Variants in DMRT1 observed in about 807,000 individuals in gnomAD.
DMRT1 encodes the protein doublesex and mab-3 related transcription factor 1, also known as doublesex- and mab-3-related transcription factor 1.
Under a neutral mutation model 32.3 loss-of-function variants are expected in DMRT1, and 7 were observed. The observed-to-expected ratio is 0.22, with a 90% CI of 0.12 to 0.41. The LOEUF (loss-of-function observed/expected upper bound fraction) is 0.41, where lower values mean the gene tolerates loss of function less well. Among genes scored for constraint, DMRT1 ranks in the 10% least tolerant of loss-of-function variants. DMRT1 has a pLI of 1.00. For synonymous variants in DMRT1, 278 were observed against 206.1 expected (o/e 1.35, Z -2.99); for missense variants, 625 against 500.5 (o/e 1.25, Z -2.37).
In DMRT1 at chr9:894,072, G is replaced by C; in HGVS notation, c.699G>C (p.Met233Ile). ...TATACAACTGCCCGCAGTACTCCAT[G>C]GCCTTGGCTGCTGATTCTGCTTCTG... ...NNLYNCPQYSMALAADSASGE... is the reference protein window; with the variant it reads ...NNLYNCPQYSIALAADSASGE... Residue 233 changes from methionine (M) to isoleucine (I), a missense_variant, in exon 3 of 5, where the codon ATG (methionine) becomes ATC (isoleucine). By Grantham distance (10) the Met-to-Ile change is conservative (BLOSUM62 1). Transcript: ENST00000382276. 1 of 1,614,240 alleles carries C rather than the reference G, an allele frequency of 6.2e-7. No homozygotes were observed. The highest frequency in any genetic ancestry group is 8.5e-7 in the Non-Finnish European group (1 of 1,180,056).
At chr9:912,347 T>C (rs1020955272) in intron 3 of DMRT1, among the ~76,000 whole-genome samples, 2 of 152,258 alleles carry the variant, frequency 1.3e-5, no homozygotes, top group African/African-American at 4.8e-5. Context: ...GTTCACATTC[T>C]AGTAACCTCA....
chr9:892,072 T>C (rs188234290), intron 2 of DMRT1, among the ~76,000 whole-genome samples: 31 of 152,244 alleles, frequency 2.0e-4, no homozygotes, highest in Middle Eastern at 3.4e-3. Context: ...CCTTGCTCTC[T>C]TGCAGGCCTG....
rs547692584 is a variant in DMRT1 at position 850,165 on chromosome 9, C to T, written c.538+3022C>T. 5.3e-5 allele frequency among the ~76,000 whole-genome samples: 8 copies of T among 152,296 alleles called. No homozygotes were observed. In the South Asian group the frequency reaches 1.2e-3, roughly 24 times the overall value. ...CAGCTCATCTCTGTGGGGCAGGAGC[C>T]ACAGGTTGCTGTCATTCATGGGATT... On this transcript the variant is annotated intron_variant, in intron 2 of 4. Coordinates refer to ENST00000382276, the MANE Select transcript of DMRT1 (RefSeq NM_021951.3).
At chr9:932,244 T>G (rs1818748991) in intron 4 of DMRT1, among the ~76,000 whole-genome samples, 2 of 152,226 alleles carry the variant, frequency 1.3e-5, no homozygotes, top group African/African-American at 4.8e-5. Flanking sequence ...TAACAAATGC[T>G]CTGCATAACC....
chr9:903,887 AT>A (rs1175954621), intron 3 of DMRT1, among the ~76,000 whole-genome samples: 1 of 152,166 alleles, frequency 6.6e-6, no homozygotes, highest in Non-Finnish European at 1.5e-5. Flanking sequence ...AGGAAGCCAG[AT>A]AGAGTGAAAC....
rs548265171 is a variant in DMRT1, at chr9:874,976, T to G, written c.539-18936T>G. On this transcript the variant is annotated intron_variant, in intron 2 of 4. Transcript: ENST00000382276. ...GTGCCCGCCACCACGCCCGGCAAATTTTTTGTATTTTTTTTAGTAGAGACG... is the reference window on the plus strand; with the variant it reads ...GTGCCCGCCACCACGCCCGGCAAATGTTTTGTATTTTTTTTAGTAGAGACG... Among the ~76,000 whole-genome samples the G allele has an allele frequency of 2.6e-4, 39 of 151,140 alleles. 1 individual carries two copies. Among genetic ancestry groups the G allele is most frequent in the African/African-American group, 8.8e-4 (36 of 41,102 alleles).
intron 3 of DMRT1, among the ~76,000 whole-genome samples, chr9:905,062 G>A (rs989807250): frequency 3.9e-5 from 6 of 152,248 alleles, no homozygotes; most frequent in Non-Finnish European, 7.3e-5. Context: ...GAGGCAGGGT[G>A]GGGACAAGTG....
intron 3 of DMRT1, among the ~76,000 whole-genome samples, chr9:907,778 G>T (rs1817828761): frequency 6.6e-6 from 1 of 151,498 alleles, no homozygotes; most frequent in African/African-American, 2.4e-5. Context: ...ATTCTGTTCT[G>T]TTCTATTCTA....
At chr9:897,121 TA>T (rs1299994660) in intron 3 of DMRT1, among the ~76,000 whole-genome samples, 2 of 149,448 alleles carry the variant, frequency 1.3e-5, no homozygotes, top group African/African-American at 4.9e-5. Flanking sequence ...TTATTATTAT[TA>T]TTATTTTTGA....
chr9:871,007 C>T (rs78763373), intron 2 of DMRT1, among the ~76,000 whole-genome samples: 1,879 of 152,014 alleles, frequency 0.012, 41 homozygotes, highest in African/African-American at 0.043. Flanking sequence ...TGTGCCCATA[C>T]ATTCAAGCCT....
intron 4 of DMRT1, among the ~76,000 whole-genome samples, chr9:929,135 G>A (rs1411270155): frequency 1.3e-5 from 2 of 152,166 alleles, no homozygotes; most frequent in South Asian, 2.1e-4. Context: ...CACCACTCCC[G>A]GCTTAAATTT....
chr9:880,438 T>A lies in DMRT1; in HGVS notation c.539-13474T>A, dbSNP rs115524202. ...ATATGCGAGCATTAGTATACTTGGG[T>A]AGCTTGGGCTGGGCGTGGTGGCTTA... On this transcript the variant is annotated intron_variant, in intron 2 of 4. Transcript: ENST00000382276. Among the ~76,000 whole-genome samples the A allele has an allele frequency of 8.8e-3, 1,342 of 152,178 alleles. 14 individuals carry two copies. The highest frequency in any genetic ancestry group is 0.031 in the African/African-American group (1,288 of 41,536).
rs548987388 is a variant in DMRT1 at position 897,145 on chromosome 9, C to T, written c.822+2950C>T. Among the ~76,000 whole-genome samples, 16 of 150,310 alleles carry T rather than the reference C, an allele frequency of 1.1e-4. No individual in the cohort carries two copies. In the East Asian group the frequency reaches 2.7e-3, roughly 26 times the overall value. On this transcript the variant is annotated intron_variant, in intron 3 of 4. Coordinates refer to ENST00000382276, the MANE Select transcript of DMRT1 (RefSeq NM_021951.3). Reference sequence around the variant, plus strand: ...TTATTATTTTTGAGACAGATTCTCGCTCTGTCGCCCAGGCTGGGGTGCAGT... The same window carrying T: ...TTATTATTTTTGAGACAGATTCTCGTTCTGTCGCCCAGGCTGGGGTGCAGT...
chr9:902,094 G>C (rs1817604989), intron 3 of DMRT1, among the ~76,000 whole-genome samples: 1 of 151,214 alleles, frequency 6.6e-6, no homozygotes, highest in Non-Finnish European at 1.5e-5. Context: ...ATTTTTAGTC[G>C]AGATGGGGTT....
At chr9:924,228 C>T (rs1435830000) in intron 4 of DMRT1, among the ~76,000 whole-genome samples, 1 of 152,066 alleles carries the variant, frequency 6.6e-6, no homozygotes, top group Non-Finnish European at 1.5e-5. Context: ...TGCACCACCA[C>T]ACCCAGCTAA....
chr9:862,848 G>A lies in DMRT1; in HGVS notation c.538+15705G>A, dbSNP rs182440791. 2.0e-5 allele frequency among the ~76,000 whole-genome samples: 3 copies of A among 152,218 alleles called. No individual in the cohort carries two copies. In the East Asian group the frequency reaches 5.8e-4, roughly 29 times the overall value. ...GAGGTTATGTACATCAGCGTGGTCA[G>A]GTGAATAACGGCCTCCCAAAAGATG... On this transcript the variant is annotated intron_variant, in intron 2 of 4. Coordinates refer to ENST00000382276, the MANE Select transcript of DMRT1 (RefSeq NM_021951.3).
rs1838694489 is a variant in DMRT1, at chr9:841,867, C to T, written c.29C>T (p.Pro10Leu). 2 of 1,612,876 alleles carry T rather than the reference C, an allele frequency of 1.2e-6. No homozygotes were observed. The highest frequency in any genetic ancestry group is 1.1e-5 in the South Asian group (1 of 90,940). MPNDEAFSK[P>L]STPSEAPHAP... is the part of the protein sequence containing the mutation. ...CCCAACGACGAGGCATTCAGCAAGC[C>T]CTCTACACCGTCGGAAGCCCCTCAC... Residue 10 changes from proline (P) to leucine (L), a missense_variant, in exon 1 of 5, where the codon CCC (proline) becomes CTC (leucine). Pro to Leu is a moderately conservative substitution (Grantham distance 98). Coordinates refer to ENST00000382276, the MANE Select transcript of DMRT1 (RefSeq NM_021951.3).
chr9:872,889 G>T (rs1387647221), intron 2 of DMRT1, among the ~76,000 whole-genome samples: 1 of 152,196 alleles, frequency 6.6e-6, no homozygotes, highest in Non-Finnish European at 1.5e-5. Context: ...ATTTCCAGCA[G>T]TGTGACATAC....
intron 2 of DMRT1, among the ~76,000 whole-genome samples, chr9:874,569 C>G (rs970101898): frequency 6.6e-6 from 1 of 152,110 alleles, no homozygotes; most frequent in Admixed American, 6.6e-5. Context: ...CTGCCATAAA[C>G]TCCCTGCTCC....
Sources: allele counts gnomAD v4.1 joint callset (sites outside exome capture counted in the v4.1 genomes callset), GRCh38; gene constraint gnomAD v4.1.1; transcripts MANE v1.5; gene names NCBI Gene and HGNC (gene_info 2026-07-23, HGNC 2026-07-21).